The following SEPTIN8 variants were observed in gnomAD, a reference collection of about 807,000 sequenced individuals.
SEPTIN8 encodes septin-8.
In SEPTIN8, 22 loss-of-function variants were observed where a neutral mutation model predicts 53.1. That is an observed-to-expected ratio of 0.41 (90% CI 0.30 to 0.59). SEPTIN8 has a LOEUF of 0.59. Among genes scored for constraint, SEPTIN8 ranks in the 20% least tolerant of loss-of-function variants. The probability of loss-of-function intolerance (pLI) is 0.24; values close to 1 mark genes in which losing one functional copy is unlikely to be tolerated. For missense variants in SEPTIN8, 536 were observed against 638.7 expected, an observed-to-expected ratio of 0.84 and a Z score of 1.73; for synonymous variants, 228 against 248.4, an observed-to-expected ratio of 0.92 and a Z score of 0.77.
At chr5:132,756,803 G>A (rs757018556) in intron 9 of SEPTIN8, 15 of 985,312 alleles carry the variant, frequency 1.5e-5, no homozygotes, top group Non-Finnish European at 1.7e-5. Flanking sequence ...CGACCCGCAG[G>A]CCACAATGGA....
chr5:132,775,022 G>A (rs1313574627), intron 1 of SEPTIN8, among the ~76,000 whole-genome samples: 1 of 152,196 alleles, frequency 6.6e-6, no homozygotes, highest in African/African-American at 2.4e-5. Context: ...CCTTCCAGGA[G>A]GCTGACAGCC....
chr5:132,768,251 A>C (rs1285179758), intron 1 of SEPTIN8, among the ~76,000 whole-genome samples: 1 of 151,944 alleles, frequency 6.6e-6, no homozygotes, highest in African/African-American at 2.4e-5. Context: ...GGGGCCACAC[A>C]TCTGGGGCAA....
Position 132,764,245 on chromosome 5 carries a change from T to C in SEPTIN8, c.326A>G (p.Asp109Gly). ...LTIVDAVGFGDQINKDESYRP... is the reference protein window; with the variant it reads ...LTIVDAVGFGGQINKDESYRP... Reference sequence around the variant, plus strand: ...TTGCCTCTCATCCTTATTGATCTGATCCCCAAAGCCCACGGCATCCACAAT... The same window carrying C: ...TTGCCTCTCATCCTTATTGATCTGACCCCCAAAGCCCACGGCATCCACAAT... The change falls in exon 3 of 10, where the codon GAT (aspartate) becomes GGT (glycine). Residue 109 changes from aspartate (D) to glycine (G), a missense_variant. By Grantham distance (94) the Asp-to-Gly change is moderately conservative (BLOSUM62 -1). Around this residue, in one of 3 missense-constraint regions of SEPTIN8, gnomAD observed 395 missense variants for 451.8 expected, o/e 0.87. Transcript: ENST00000378719. 6.2e-7 allele frequency: 1 copy of C among 1,613,566 alleles called. No homozygotes were observed. The highest frequency in any genetic ancestry group is 2.2e-5 in the East Asian group (1 of 44,860).
In SEPTIN8 at chr5:132,761,600, C is replaced by A. The variant is rs569539799; in HGVS notation, c.820G>T (p.Val274Leu). The A allele has an allele frequency of 6.2e-7, 1 of 1,613,828 alleles. No homozygotes were observed. Among genetic ancestry groups the A allele is most frequent in the Admixed American group, 1.7e-5 (1 of 59,976 alleles). Reference protein sequence around the residue: ...QVENENHCDFVKLREMLIRVN... With the variant: ...QVENENHCDFLKLREMLIRVN... ...CGGATCAACATCTCCCGCAGCTTCA[C>A]GAAGTCGCAGTGATTCTCATTCTCC... is the stretch of plus-strand genomic sequence containing the variant. Residue 274 changes from valine to leucine, a missense_variant, in exon 7 of 10, where the codon GTG becomes TTG. Val to Leu is a conservative substitution (Grantham distance 32, BLOSUM62 1). This residue lies in a region of SEPTIN8 where 395 missense variants were observed against 451.8 expected (regional missense o/e 0.87). Transcript: ENST00000378719. The surrounding 1 kb of genome is among the most constrained non-coding windows in gnomAD (Gnocchi z 5.8).
chr5:132,751,601 C>G lies in SEPTIN8; in HGVS notation c.*415G>C, dbSNP rs544670339. 1 of 303,200 alleles carries G rather than the reference C, an allele frequency of 3.3e-6. No homozygotes were observed. The highest frequency in any genetic ancestry group is 7.2e-5 in the East Asian group (1 of 13,890). 18.8% of individuals were successfully genotyped at this position (303,200 alleles called of 1,614,324 possible). On this transcript the variant is annotated 3_prime_UTR_variant, in exon 10 of 10. Transcript: ENST00000378719. Reference sequence around the variant, plus strand: ...CTGTTTCATTACGAAAACTGGCCACCGTTGCCAAGTTGCAGAGTTTCGTCT... The same window carrying G: ...CTGTTTCATTACGAAAACTGGCCACGGTTGCCAAGTTGCAGAGTTTCGTCT...
rs112655906 is a variant in SEPTIN8, at chr5:132,758,053, T to C, written c.1286+2749A>G. 7.3e-5 allele frequency: 73 copies of C among 995,694 alleles called. No individual in the cohort carries two copies. The African/African-American group carries it at 1.2e-3, about 16-fold the overall frequency. 61.7% of individuals were successfully genotyped at this position (995,694 alleles called of 1,614,324 possible). ...ACCTCTGGGGCACAGACAACAGCTT[T>C]GGGCTGCTGTTCCATTTACATTCAC... On this transcript the variant is annotated intron_variant, in intron 9 of 9. Coordinates refer to ENST00000378719, the MANE Select transcript of SEPTIN8 (RefSeq NM_001098811.2).
chr5:132,766,002 T>A (rs1756550739), intron 1 of SEPTIN8, among the ~76,000 whole-genome samples: 1 of 152,198 alleles, frequency 6.6e-6, no homozygotes, highest in African/African-American at 2.4e-5. Flanking sequence ...AGGACTCAAG[T>A]AGGGCCACGT....
At chr5:132,753,541 CCCTTTA>C (rs1755044991) in intron 9 of SEPTIN8, 1 of 153,676 alleles carries the variant, frequency 6.5e-6, no homozygotes, top group African/African-American at 2.4e-5. Flanking sequence ...CTTATGTCTT[CCCTTTA>C]CAAGGACTGG....
chr5:132,758,301 G>C, intron 9 of SEPTIN8: 1 of 1,350,368 alleles, frequency 7.4e-7, no homozygotes, highest in Non-Finnish European at 9.5e-7. Context: ...TGACGCTGGT[G>C]CCAAAATAAA....
In SEPTIN8 at chr5:132,761,065, C is replaced by G. The variant is rs1051959669; in HGVS notation, c.1095+68G>C. 3 of 1,607,250 alleles carry G rather than the reference C, an allele frequency of 1.9e-6. No homozygotes were observed. The East Asian group carries it at 6.7e-5, about 36-fold the overall frequency. On this transcript the variant is annotated intron_variant, in intron 8 of 9. Transcript: ENST00000378719. This position sits in a 1 kb window ranked among gnomAD's most constrained non-coding sequence, Gnocchi z 5.8. ...TGAGCCTGGGCCAGGAAGGCACCCC[C>G]ACCTCTACCCTCAGCCAGGCCTTCC... is the stretch of plus-strand genomic sequence containing the variant.
At position 132,762,571 on chromosome 5, in the gene SEPTIN8, G is replaced by A. The variant is rs761237369; in HGVS notation, c.609C>T (p.Ile203=). The A allele has an allele frequency of 6.2e-7, 1 of 1,614,208 alleles. No individual in the cohort carries two copies. The highest frequency in any genetic ancestry group is 2.2e-5 in the East Asian group (1 of 44,892). Residue 203 remains isoleucine (I), a synonymous_variant, in exon 5 of 10, where the codon ATC becomes ATT. Coordinates refer to ENST00000378719, the MANE Select transcript of SEPTIN8 (RefSeq NM_001098811.2). ...CCCCGTTGCTGACCAACTCGCCCAT[G>A]ATCTTGATCTTGAACTTGTGGAGCT... ...KSELHKFKIK[I]MGELVSNGVQ...
At chr5:132,758,907 A>G in intron 9 of SEPTIN8, 1 of 1,283,804 alleles carries the variant, frequency 7.8e-7, no homozygotes. Flanking sequence ...AGCAAAAGAC[A>G]GCAAGATGGA....
rs1257284875 is a variant in SEPTIN8 at position 132,761,731 on chromosome 5, A to G, written c.793+69T>C. 1 of 1,584,082 alleles carries G rather than the reference A, an allele frequency of 6.3e-7. No individual in the cohort carries two copies. The highest frequency in any genetic ancestry group is 1.3e-5 in the African/African-American group (1 of 74,502). On this transcript the variant is annotated intron_variant, in intron 6 of 9. Transcript: ENST00000378719. This position sits in a 1 kb window ranked among gnomAD's most constrained non-coding sequence, Gnocchi z 5.8. The stretch of plus-strand genomic sequence containing the variant: ...GCATGAGGAGGAAACAGCACAGGGT[A>G]CTACAGGCAGCAGGGCAGGCCAGGG...
At position 132,751,939 on chromosome 5, in the gene SEPTIN8, T is replaced by A. The variant is rs1324490138; in HGVS notation, c.*77A>T. The A allele has an allele frequency of 6.3e-7, 1 of 1,584,250 alleles. No homozygotes were observed. The highest frequency in any genetic ancestry group is 8.6e-7 in the Non-Finnish European group (1 of 1,164,074). On this transcript the variant is annotated 3_prime_UTR_variant, in exon 10 of 10. Coordinates refer to ENST00000378719, the MANE Select transcript of SEPTIN8 (RefSeq NM_001098811.2). ...ATAGGAAAAGTATGGCGTTTTCTGT[T>A]CTAACATTAAAAACCATGGTCTCCA...
At chr5:132,772,972 T>C (rs139629725) in intron 1 of SEPTIN8, among the ~76,000 whole-genome samples, 1 of 152,312 alleles carries the variant, frequency 6.6e-6, no homozygotes, top group Non-Finnish European at 1.5e-5. Flanking sequence ...ACCTCTAGGA[T>C]AGGGAACACC....
Position 132,751,269 on chromosome 5 carries a change from C to A in SEPTIN8, c.*747G>T. On this transcript the variant is annotated 3_prime_UTR_variant, in exon 10 of 10. Coordinates refer to ENST00000378719, the MANE Select transcript of SEPTIN8 (RefSeq NM_001098811.2). ...TTATGGTGAGTTTCTCTTTTAAATA[C>A]ACACTGCAAAAATATTTAACTTTCC... 1 of 364,596 alleles carries A rather than the reference C, an allele frequency of 2.7e-6. No individual in the cohort carries two copies. The highest frequency in any genetic ancestry group is 4.9e-6 in the Non-Finnish European group (1 of 203,448). The allele number at this position is 364,596 out of a possible 1,614,324, so 22.6% of individuals were successfully genotyped here. A position where few individuals can be genotyped will look rare whatever the true frequency, so the allele number is the denominator to read the frequency against.
chr5:132,770,018 TATATAC>T (rs1209677499), intron 1 of SEPTIN8, among the ~76,000 whole-genome samples: 13,543 of 55,564 alleles, frequency 0.24, 1,565 homozygotes, highest in Non-Finnish European at 0.3. Flanking sequence ...TATATATATA[TATATAC>T]ACACACATAT....
chr5:132,764,181 G>A, intron 3 of SEPTIN8, 43 bp downstream of exon 3: 2 of 1,569,268 alleles, frequency 1.3e-6, no homozygotes, highest in South Asian at 1.2e-5. Context: ...AATGTAGGTG[G>A]GGTGGGAGGA....
At chr5:132,758,797 T>C (rs1755596270) in intron 9 of SEPTIN8, 2 of 1,614,034 alleles carry the variant, frequency 1.2e-6, no homozygotes, top group Non-Finnish European at 1.7e-6. Flanking sequence ...AAGTCCACTC[T>C]TGACATGTAA....
Sources: allele counts gnomAD v4.1 joint callset (sites outside exome capture counted in the v4.1 genomes callset), GRCh38; gene constraint gnomAD v4.1.1; regional missense constraint gnomAD v4.1.1; non-coding constraint Gnocchi (gnomAD v3.1); transcripts MANE v1.5; gene names NCBI Gene and HGNC (gene_info 2026-07-23, HGNC 2026-07-21).